GABPB1: variants seen among roughly 807,000 people sequenced by gnomAD.
GABPB1 encodes the protein GA binding protein transcription factor subunit beta 1, also known as GA-binding protein subunit beta-1.
A neutral mutation model predicts 45.9 loss-of-function variants in GABPB1; 15 were observed. That is an observed-to-expected ratio of 0.33 (90% CI 0.22 to 0.50). The LOEUF is 0.50. GABPB1 is among the 20% of genes least tolerant of loss of function. The probability of loss-of-function intolerance (pLI) is 0.98; values close to 1 mark genes in which losing one functional copy is unlikely to be tolerated. For synonymous variants in GABPB1, 143 were observed against 154.4 expected, an observed-to-expected ratio of 0.93 and a Z score of 0.55; for missense variants, 252 against 457.5, an observed-to-expected ratio of 0.55 and a Z score of 4.10.
chr15:50,300,436 G>T (rs7166367), intron 6 of GABPB1, among the ~76,000 whole-genome samples: 26,677 of 40,838 alleles, frequency 0.65, 8,070 homozygotes, highest in East Asian at 0.75. Context: ...ACTGTTTTTG[G>T]TTTTTTTTTT....
chr15:50,275,790 T>G lies in GABPB1; in HGVS notation c.*2842A>C. 1 of 152,264 alleles carries G rather than the reference T, an allele frequency of 6.6e-6. No individual in the cohort carries two copies. 9.4% of individuals were successfully genotyped at this position (152,264 alleles called of 1,614,324 possible). Reference sequence around the variant, plus strand: ...GTCCTTTTGTGAAGTAATTAAGATATAAATAAAATAAATAACAATAAATGA... The same window carrying G: ...GTCCTTTTGTGAAGTAATTAAGATAGAAATAAAATAAATAACAATAAATGA... On this transcript the variant is annotated 3_prime_UTR_variant, in exon 9 of 9. Transcript: ENST00000380877.
At chr15:50,281,242 T>A (rs778807893) in intron 8 of GABPB1, among the ~76,000 whole-genome samples, 1 of 152,172 alleles carries the variant, frequency 6.6e-6, no homozygotes, top group Non-Finnish European at 1.5e-5. Flanking sequence ...GACGGAGTCT[T>A]GCTCTGTTGC....
rs150825256 is a variant in GABPB1 at position 50,292,141 on chromosome 15, C to T, written c.698-2473G>A. Among the ~76,000 whole-genome samples the T allele has an allele frequency of 1.6e-4, 24 of 149,954 alleles. No individual in the cohort carries two copies. The East Asian group carries it at 3.6e-3, about 22-fold the overall frequency. ...GGAGATCGAGACCACATTGAAACCC[C>T]GTCTCTACTGAAAATACAAAAAATT... On this transcript the variant is annotated intron_variant, in intron 6 of 8. Transcript: ENST00000380877.
chr15:50,353,494 C>T (rs2048940625), intron 1 of GABPB1: 2 of 151,050 alleles, frequency 1.3e-5, no homozygotes, highest in African/African-American at 4.9e-5. Context: ...TCTATTAAAC[C>T]AGGCATTAAA....
At chr15:50,287,574 G>A (rs1296222316) in intron 7 of GABPB1, among the ~76,000 whole-genome samples, 4 of 152,224 alleles carry the variant, frequency 2.6e-5, no homozygotes, top group Non-Finnish European at 5.9e-5. Context: ...GCCACAAGAC[G>A]GCCATCTGCA....
At chr15:50,324,845 C>T (rs1308768082) in intron 1 of GABPB1, among the ~76,000 whole-genome samples, 1 of 152,110 alleles carries the variant, frequency 6.6e-6, no homozygotes, top group Non-Finnish European at 1.5e-5. Flanking sequence ...CCCCGCCTGG[C>T]CTCTGTAGTT....
chr15:50,280,330 T>C (rs1033737346), intron 8 of GABPB1, among the ~76,000 whole-genome samples: 4 of 152,120 alleles, frequency 2.6e-5, no homozygotes, highest in Non-Finnish European at 5.9e-5. Context: ...GCCAGTACCC[T>C]GGCTACAAAC....
At chr15:50,297,210 C>T (rs1018605770) in intron 6 of GABPB1, among the ~76,000 whole-genome samples, 5 of 115,848 alleles carry the variant, frequency 4.3e-5, no homozygotes, top group Admixed American at 3.9e-4. Flanking sequence ...TGAGCCCACC[C>T]ATTACTTCTT....
At chr15:50,333,027 T>A (rs1379885668) in intron 1 of GABPB1, among the ~76,000 whole-genome samples, 1 of 152,188 alleles carries the variant, frequency 6.6e-6, no homozygotes, top group African/African-American at 2.4e-5. Context: ...GGATATTTAA[T>A]AAAAATTAAG....
At chr15:50,342,046 G>A (rs551254743) in intron 1 of GABPB1, among the ~76,000 whole-genome samples, 30 of 152,108 alleles carry the variant, frequency 2.0e-4, no homozygotes, top group Non-Finnish European at 4.3e-4. Context: ...GTGCTATTCT[G>A]TCTCATGATT....
At chr15:50,279,016 T>C (rs2045896555) in intron 8 of GABPB1, among the ~76,000 whole-genome samples, 2 of 152,198 alleles carry the variant, frequency 1.3e-5, no homozygotes, top group Admixed American at 1.3e-4. Flanking sequence ...GAAATTATTT[T>C]CCTATTTAGA....
chr15:50,334,505 C>CTTTTTTTTTTTTTTTT (rs60433481), intron 1 of GABPB1, among the ~76,000 whole-genome samples: 7 of 109,378 alleles, frequency 6.4e-5, no homozygotes, highest in East Asian at 2.4e-4. Context: ...TCTTTTTTTC[C>CTTTTTTTTTTTTTTTT]TTTTTTTTTT....
chr15:50,348,342 C>T, intron 1 of GABPB1, among the ~76,000 whole-genome samples: 1 of 152,130 alleles, frequency 6.6e-6, no homozygotes. Context: ...ACAACCTCCG[C>T]CTCCCAGACT....
intron 1 of GABPB1, among the ~76,000 whole-genome samples, chr15:50,339,796 G>A (rs2048285574): frequency 1.3e-5 from 2 of 152,208 alleles, no homozygotes. Context: ...ACTAAACTAA[G>A]AAGTAGTAAG....
intron 1 of GABPB1, among the ~76,000 whole-genome samples, chr15:50,342,367 A>T (rs1463021055): frequency 2.0e-5 from 3 of 151,256 alleles, no homozygotes; most frequent in African/African-American, 7.3e-5. Context: ...CTAATGGTTT[A>T]TCTTATTCTT....
intron 1 of GABPB1, among the ~76,000 whole-genome samples, chr15:50,315,631 T>C (rs574767094): frequency 2.0e-5 from 3 of 152,332 alleles, no homozygotes; most frequent in South Asian, 2.1e-4. Context: ...TCGTAGCATT[T>C]TCACTTCTGA....
chr15:50,301,169 A>G (rs2046728774), intron 5 of GABPB1, 88 bp downstream of exon 5: 6 of 1,531,470 alleles, frequency 3.9e-6, no homozygotes, highest in Admixed American at 3.8e-5. Flanking sequence ...ACAAGGATGA[A>G]TACCTACTAA....
At chr15:50,283,137 A>G (rs2046042613) in intron 8 of GABPB1, among the ~76,000 whole-genome samples, 1 of 152,218 alleles carries the variant, frequency 6.6e-6, no homozygotes, top group Non-Finnish European at 1.5e-5. Context: ...AAGTCACACA[A>G]TAAAGTAAGT....
At chr15:50,353,470 A>C (rs1336243432) in intron 1 of GABPB1, 1 of 152,124 alleles carries the variant, frequency 6.6e-6, no homozygotes, top group Admixed American at 6.5e-5. Flanking sequence ...AGTCTGACGT[A>C]GATCTGAGAA....
Sources: allele counts gnomAD v4.1 joint callset (sites outside exome capture counted in the v4.1 genomes callset), GRCh38; gene constraint gnomAD v4.1.1; transcripts MANE v1.5; gene names NCBI Gene and HGNC (gene_info 2026-07-23, HGNC 2026-07-21).